The following SNTG1 variants were observed in gnomAD, a reference collection of about 807,000 sequenced individuals.
SNTG1 encodes the protein gamma-1-syntrophin.
In SNTG1, 39 loss-of-function variants were observed where a neutral mutation model predicts 74.7. That is an observed-to-expected ratio of 0.52 (90% CI 0.40 to 0.68). The LOEUF is 0.68. SNTG1 is among the 30% of genes least tolerant of loss of function. The pLI, the probability that SNTG1 is intolerant of heterozygous loss-of-function variation, is 0.00. For missense variants in SNTG1, 685 were observed against 609.5 expected, an observed-to-expected ratio of 1.12 and a Z score of -1.30; for synonymous variants, 254 against 217.1, an observed-to-expected ratio of 1.17 and a Z score of -1.49.
At chr8:49,972,834 G>C (rs889684717) in intron 1 of SNTG1, among the ~76,000 whole-genome samples, 3 of 152,196 alleles carry the variant, frequency 2.0e-5, no homozygotes, top group Non-Finnish European at 4.4e-5. Flanking sequence ...AGACCAGTTA[G>C]AATGGTGATC....
chr8:50,323,095 A>C (rs2090594927), intron 2 of SNTG1, among the ~76,000 whole-genome samples: 1 of 128,678 alleles, frequency 7.8e-6, no homozygotes, highest in Non-Finnish European at 1.7e-5. Context: ...GCAACAGAGC[A>C]AGACTTGTCT....
intron 17 of SNTG1, among the ~76,000 whole-genome samples, chr8:50,736,071 T>A (rs1341943599): frequency 1.3e-5 from 2 of 151,966 alleles, no homozygotes; most frequent in Non-Finnish European, 2.9e-5. Flanking sequence ...AAGCAAATGC[T>A]GAGAGATTTT....
chr8:50,395,738 C>T (rs1042598147), intron 3 of SNTG1, among the ~76,000 whole-genome samples: 4 of 152,068 alleles, frequency 2.6e-5, no homozygotes, highest in Non-Finnish European at 5.9e-5. Flanking sequence ...ATCTCGATCT[C>T]CTGACCTCGT....
chr8:50,660,171 T>C (rs1484758561), intron 15 of SNTG1, among the ~76,000 whole-genome samples: 1 of 148,650 alleles, frequency 6.7e-6, no homozygotes, highest in Non-Finnish European at 1.5e-5. Flanking sequence ...GCTACTCATG[T>C]AATTAGGGGA....
At chr8:50,051,496 T>C (rs1012892565) in intron 1 of SNTG1, among the ~76,000 whole-genome samples, 1 of 152,160 alleles carries the variant, frequency 6.6e-6, no homozygotes, top group Non-Finnish European at 1.5e-5. Flanking sequence ...CATATTAAAG[T>C]GCCACAAATG....
intron 1 of SNTG1, among the ~76,000 whole-genome samples, chr8:50,031,585 A>T (rs1817742727): frequency 6.6e-6 from 1 of 152,046 alleles, no homozygotes; most frequent in Non-Finnish European, 1.5e-5. Context: ...AATGTATATG[A>T]TTATTTGATA....
At chr8:50,350,693 C>T (rs1444025445) in intron 2 of SNTG1, among the ~76,000 whole-genome samples, 3 of 152,204 alleles carry the variant, frequency 2.0e-5, no homozygotes, top group Non-Finnish European at 4.4e-5. Flanking sequence ...AATCCACACT[C>T]TGTATCTAGC....
chr8:50,052,424 TA>T, intron 1 of SNTG1, among the ~76,000 whole-genome samples: 1 of 152,210 alleles, frequency 6.6e-6, no homozygotes, highest in African/African-American at 2.4e-5. Context: ...ATAATTAACT[TA>T]AAATGCATTA....
intron 1 of SNTG1, among the ~76,000 whole-genome samples, chr8:49,949,757 T>C (rs1401995414): frequency 6.6e-6 from 1 of 152,186 alleles, no homozygotes; most frequent in Non-Finnish European, 1.5e-5. Context: ...TTAACCCACG[T>C]TTGGCTTCAT....
At chr8:50,735,323 C>G (rs2095525530) in intron 17 of SNTG1, among the ~76,000 whole-genome samples, 1 of 151,572 alleles carries the variant, frequency 6.6e-6, no homozygotes, top group Non-Finnish European at 1.5e-5. Flanking sequence ...AAAAACTCCT[C>G]CAATCTAAAG....
Position 50,708,932 on chromosome 8 carries a change from C to A in SNTG1, c.1238C>A (p.Thr413Lys), listed in dbSNP as rs140661308. 68 of 1,613,704 alleles carry A rather than the reference C, an allele frequency of 4.2e-5. No individual in the cohort carries two copies. In the African/African-American group the frequency reaches 8.7e-4, roughly 21 times the overall value. Residue 413 changes from threonine to lysine, a missense_variant, in exon 17 of 19, where the codon ACA becomes AAA. Physicochemically the swap from Thr to Lys is moderately conservative, Grantham distance 78. Transcript: ENST00000642720. The part of the protein sequence containing the change: ...CVLESHLMGL[T>K]IDFSTGFICF... ...CTAGAAAGTCATCTAATGGGACTCA[C>A]AATTGATTTCAGCACAGGATTTATC...
At chr8:49,932,051 T>C (rs749349985) in intron 1 of SNTG1, among the ~76,000 whole-genome samples, 6 of 152,146 alleles carry the variant, frequency 3.9e-5, no homozygotes, top group Non-Finnish European at 5.9e-5. Context: ...AGGAAAAAAG[T>C]TATACAATTG....
chr8:50,564,957 C>A (rs2094507705), intron 12 of SNTG1, among the ~76,000 whole-genome samples: 1 of 152,008 alleles, frequency 6.6e-6, no homozygotes, highest in Non-Finnish European at 1.5e-5. Flanking sequence ...AGTGGACAAA[C>A]CTAACAAACG....
chr8:50,135,007 G>C lies in SNTG1; in HGVS notation c.-102-37554G>C, dbSNP rs191978692. On this transcript the variant is annotated intron_variant, in intron 1 of 18. Transcript: ENST00000642720. ...GGGTTGTTTTCTGTGATCCCAGTAG[G>C]AAATAGCTCCACAGGTTCAATTATG... Among the ~76,000 whole-genome samples the C allele has an allele frequency of 7.2e-5, 11 of 152,276 alleles. No homozygotes were observed. In the East Asian group the frequency reaches 2.1e-3, roughly 29 times the overall value.
intron 4 of SNTG1, among the ~76,000 whole-genome samples, chr8:50,417,737 C>T (rs1283888358): frequency 6.6e-6 from 1 of 152,148 alleles, no homozygotes; most frequent in East Asian, 1.9e-4. Context: ...CTTCCTCCTT[C>T]ACTGAGAAAA....
At chr8:50,357,563 T>G (rs190463324) in intron 2 of SNTG1, among the ~76,000 whole-genome samples, 2 of 152,202 alleles carry the variant, frequency 1.3e-5, no homozygotes, top group Non-Finnish European at 2.9e-5. Context: ...TATATTATAT[T>G]AACATCATTC....
chr8:50,578,210 A>T lies in SNTG1; in HGVS notation c.811-12669A>T, dbSNP rs147204915. On this transcript the variant is annotated intron_variant, in intron 12 of 18. Transcript: ENST00000642720. Reference sequence around the variant, plus strand: ...GATGGAAATGTAGACCCAAAGAGAAAGTCACCAGACATTCTTTCTGAGTCC... The same window carrying T: ...GATGGAAATGTAGACCCAAAGAGAATGTCACCAGACATTCTTTCTGAGTCC... Among the ~76,000 whole-genome samples the T allele has an allele frequency of 2.4e-3, 373 of 152,312 alleles. 1 individual carries two copies. The highest frequency in any genetic ancestry group is 3.7e-3 in the Non-Finnish European group (251 of 68,022).
chr8:50,501,166 A>G (rs1285452415), intron 8 of SNTG1, among the ~76,000 whole-genome samples: 2 of 151,908 alleles, frequency 1.3e-5, no homozygotes, highest in Non-Finnish European at 2.9e-5. Context: ...CTCCTTTACA[A>G]TCCAGAGGTG....
chr8:50,756,260 G>A (rs1205594560), intron 18 of SNTG1, among the ~76,000 whole-genome samples: 6 of 151,760 alleles, frequency 4.0e-5, no homozygotes, highest in Non-Finnish European at 7.4e-5. Flanking sequence ...ATTTTAATGA[G>A]GTCCAGTTTA....
Sources: allele counts gnomAD v4.1 joint callset (sites outside exome capture counted in the v4.1 genomes callset), GRCh38; gene constraint gnomAD v4.1.1; transcripts MANE v1.5; gene names NCBI Gene and HGNC (gene_info 2026-07-23, HGNC 2026-07-21).